Variants in SGCG observed in about 807,000 individuals in gnomAD.
The protein encoded by SGCG is sarcoglycan gamma.
A neutral mutation model predicts 29.3 loss-of-function variants in SGCG; 26 were observed. The ratio of observed to expected loss-of-function variants is 0.89; its 90% CI spans 0.65 to 1.23. The LOEUF (loss-of-function observed/expected upper bound fraction) is 1.23. Ranked by LOEUF, SGCG falls within the 50% of genes most tolerant of loss-of-function variation. The pLI is 0.00. For synonymous variants in SGCG, 145 were observed against 129.7 expected (o/e 1.12, Z -0.80); for missense variants, 353 against 356.0 (o/e 0.99, Z 0.07).
At chr13:23,255,366 G>A (rs565648535) in intron 4 of SGCG, among the ~76,000 whole-genome samples, 6 of 152,294 alleles carry the variant, frequency 3.9e-5, no homozygotes, top group African/African-American at 1.4e-4. Context: ...TAACTTGTTT[G>A]TATTTTATAA....
At chr13:23,279,796 C>T (rs553992528) in intron 5 of SGCG, among the ~76,000 whole-genome samples, 10 of 149,904 alleles carry the variant, frequency 6.7e-5, no homozygotes, top group East Asian at 2.0e-4. Flanking sequence ...AGCACAATCT[C>T]GGCTCACTGC....
intron 6 of SGCG, among the ~76,000 whole-genome samples, chr13:23,306,706 G>A (rs2137501585): frequency 6.6e-6 from 1 of 152,184 alleles, no homozygotes; most frequent in East Asian, 1.9e-4. Flanking sequence ...TATTCCTTCT[G>A]GTAACTGACA....
At chr13:23,174,853 G>A in the SGCG span, among the ~76,000 whole-genome samples, 1 of 152,078 alleles carries the variant, frequency 6.6e-6, no homozygotes, top group Admixed American at 6.6e-5. Flanking sequence ...CAAATCACAG[G>A]AGATGCCATT....
chr13:23,296,524 T>C (rs1049444337), intron 6 of SGCG, among the ~76,000 whole-genome samples: 1 of 152,146 alleles, frequency 6.6e-6, no homozygotes, highest in Admixed American at 6.5e-5. Context: ...CCACCATCCA[T>C]CTCCAGAACT....
chr13:23,221,499 TAG>T (rs1878655368), intron 2 of SGCG, among the ~76,000 whole-genome samples: 1 of 152,200 alleles, frequency 6.6e-6, no homozygotes, highest in Admixed American at 6.5e-5. Context: ...TGGTGGATCT[TAG>T]AGCTGCCAGG....
intron 2 of SGCG, among the ~76,000 whole-genome samples, chr13:23,216,834 T>TA (rs1261976577): frequency 2.0e-5 from 3 of 152,170 alleles, no homozygotes; most frequent in African/African-American, 7.2e-5. Context: ...ATTGTACACT[T>TA]ACGCCAGTCA....
intron 1 of SGCG, among the ~76,000 whole-genome samples, chr13:23,197,909 T>G (rs575892): frequency 0.24 from 35,200 of 148,118 alleles, 4,426 homozygotes; most frequent in African/African-American, 0.31. Context: ...ATTCTGAATC[T>G]GGAAAACACT....
At chr13:23,316,883 T>C (rs1178720067) in intron 6 of SGCG, among the ~76,000 whole-genome samples, 2 of 152,182 alleles carry the variant, frequency 1.3e-5, no homozygotes, top group East Asian at 3.9e-4. Context: ...GTTCCAATGT[T>C]GGCTGGGGTG....
chr13:23,276,091 T>C (rs1331756929), intron 4 of SGCG, among the ~76,000 whole-genome samples: 1 of 152,172 alleles, frequency 6.6e-6, no homozygotes, highest in Non-Finnish European at 1.5e-5. Flanking sequence ...GCTCTTTTCT[T>C]ATCAACAAGG....
intron 4 of SGCG, among the ~76,000 whole-genome samples, chr13:23,267,119 A>G (rs1298488980): frequency 6.6e-6 from 1 of 152,250 alleles, no homozygotes; most frequent in Admixed American, 6.5e-5. Context: ...AATAAGAAAA[A>G]TCAATTTTGT....
chr13:23,288,706 A>G (rs1881593202), intron 5 of SGCG, among the ~76,000 whole-genome samples: 2 of 152,218 alleles, frequency 1.3e-5, no homozygotes, highest in Non-Finnish European at 2.9e-5. Flanking sequence ...AGAACATACT[A>G]TTGGAATAAC....
At chr13:23,258,983 A>G (rs1406535538) in intron 4 of SGCG, among the ~76,000 whole-genome samples, 3 of 152,106 alleles carry the variant, frequency 2.0e-5, no homozygotes, top group Non-Finnish European at 4.4e-5. Context: ...ATCGATGTTC[A>G]TCAGGGATAT....
chr13:23,233,045 C>T (rs953124106), intron 2 of SGCG, among the ~76,000 whole-genome samples: 8 of 152,068 alleles, frequency 5.3e-5, no homozygotes, highest in Admixed American at 2.0e-4. Context: ...TGCATATGAT[C>T]GATCAATTCT....
At chr13:23,287,848 G>A (rs1427316376) in intron 5 of SGCG, among the ~76,000 whole-genome samples, 1 of 152,074 alleles carries the variant, frequency 6.6e-6, no homozygotes, top group Non-Finnish European at 1.5e-5. Context: ...TTTGCCTCCT[G>A]GGTTCAAGCA....
chr13:23,309,913 C>T (rs1191148265), intron 6 of SGCG, among the ~76,000 whole-genome samples: 1 of 152,038 alleles, frequency 6.6e-6, no homozygotes, highest in Admixed American at 6.6e-5. Context: ...CCTTGTTACT[C>T]ATTATGAGCA....
chr13:23,227,588 T>C (rs1878952469), intron 2 of SGCG, among the ~76,000 whole-genome samples: 1 of 152,102 alleles, frequency 6.6e-6, no homozygotes, highest in Non-Finnish European at 1.5e-5. Flanking sequence ...GGAATACAAC[T>C]CACCCATAGA....
rs539464168 is a variant in SGCG, at chr13:23,195,353, T to C, written c.1-8342T>C. On this transcript the variant is annotated intron_variant, in intron 1 of 7. Coordinates refer to ENST00000218867, the MANE Select transcript of SGCG (RefSeq NM_000231.3). ...TTGCCTACCCGTGTAAATATAAAAC[T>C]GTGTTTTAAAATGAGCCTGTAGCTG... is the stretch of plus-strand genomic sequence containing the variant. Among the ~76,000 whole-genome samples, 494 of 152,292 alleles carry C rather than the reference T, an allele frequency of 3.2e-3. 2 individuals carry two copies. Among genetic ancestry groups the C allele is most frequent in the African/African-American group, 0.011 (451 of 41,554 alleles).
In SGCG at chr13:23,271,082, C is replaced by T. The variant is rs556901554; in HGVS notation, c.386-8277C>T. ...CAAAAATTAGCCAGGCGTGGTGGCA[C>T]GCGCCCGTAATCCCAGCTATTTGGG... On this transcript the variant is annotated intron_variant, in intron 4 of 7. Transcript: ENST00000218867. 3.9e-5 allele frequency among the ~76,000 whole-genome samples: 6 copies of T among 152,036 alleles called. No homozygotes were observed. In the East Asian group the frequency reaches 5.8e-4, roughly 15 times the overall value.
In SGCG at chr13:23,279,423, A is replaced by G. The variant is rs369191957; in HGVS notation, c.450A>G (p.Leu150=). ...TCAACTCCAACGACGGCAAGCCACT[A>G]TTTACTGTAGATGAGAAGGAAGTTG... ...FQINSNDGKP[L]FTVDEKEVVV... is the part of the protein sequence containing the mutation. The change falls in exon 5 of 8, where the codon CTA becomes CTG. Residue 150 remains leucine (L), a synonymous_variant. Coordinates refer to ENST00000218867, the MANE Select transcript of SGCG (RefSeq NM_000231.3). The G allele has an allele frequency of 1.2e-6, 2 of 1,613,268 alleles. No individual in the cohort carries two copies. Among genetic ancestry groups the G allele is most frequent in the African/African-American group, 2.7e-5 (2 of 74,910 alleles).
Sources: allele counts gnomAD v4.1 joint callset (sites outside exome capture counted in the v4.1 genomes callset), GRCh38; gene constraint gnomAD v4.1.1; transcripts MANE v1.5; gene names NCBI Gene and HGNC (gene_info 2026-07-23, HGNC 2026-07-21).